The following PCGF5 variants were observed in gnomAD, a reference collection of about 807,000 sequenced individuals.
The protein encoded by PCGF5 is polycomb group ring finger 5.
In PCGF5, 9 loss-of-function variants were observed where a neutral mutation model predicts 44.3. The ratio of observed to expected loss-of-function variants is 0.20; its 90% confidence interval spans 0.12 to 0.35. PCGF5 has a LOEUF of 0.35. Among genes scored for constraint, PCGF5 ranks in the 10% least tolerant of loss-of-function variants. PCGF5 has a pLI of 1.00. For synonymous variants in PCGF5, 95 were observed against 102.5 expected (o/e 0.93, Z 0.44); for missense variants, 146 against 305.3 (o/e 0.48, Z 3.89).
chr10:91,157,706 C>T, the PCGF5 span, among the ~76,000 whole-genome samples: 1 of 152,092 alleles, frequency 6.6e-6, no homozygotes, highest in Admixed American at 6.5e-5. Flanking sequence ...AACAGGGAAG[C>T]CAGGAGGGGA....
In PCGF5 at chr10:91,272,780, CAAAT is replaced by C. The variant is rs546343718; in HGVS notation, c.723+1090_723+1093del. Among the ~76,000 whole-genome samples the C allele has an allele frequency of 1.8e-4, 27 of 152,142 alleles. No homozygotes were observed. The South Asian group carries it at 3.5e-3, about 20-fold the overall frequency. On this transcript the variant is annotated intron_variant, in intron 9 of 9. Transcript: ENST00000336126. Reference sequence around the variant, plus strand: ...AGAGCAAGACTCTGTTTCAGACAAACAAATAAATAATAAAATAATAAAATCCACC... The same window carrying C: ...AGAGCAAGACTCTGTTTCAGACAAACAAATAATAAAATAATAAAATCCACC...
In PCGF5 at chr10:91,281,355, A is replaced by G. The variant is rs1332394526; in HGVS notation, c.*3039A>G. ...TTGCTCAACTACATTACACACTCAAATGTAATCTAAATTTAAACTGATTAT... is the reference window on the plus strand; with the variant it reads ...TTGCTCAACTACATTACACACTCAAGTGTAATCTAAATTTAAACTGATTAT... On this transcript the variant is annotated 3_prime_UTR_variant, in exon 10 of 10. Coordinates refer to ENST00000336126, the MANE Select transcript of PCGF5 (RefSeq NM_032373.5). The G allele has an allele frequency of 1.3e-5, 2 of 152,574 alleles. No homozygotes were observed. The highest frequency in any genetic ancestry group is 2.9e-5 in the Non-Finnish European group (2 of 67,960). The allele number at this position is 152,574 out of a possible 1,614,324, so 9.5% of individuals were successfully genotyped here.
At chr10:91,230,491 A>C (rs147085242) in intron 2 of PCGF5, among the ~76,000 whole-genome samples, 3 of 152,184 alleles carry the variant, frequency 2.0e-5, no homozygotes, top group Non-Finnish European at 4.4e-5. Context: ...GCGCAAAGCT[A>C]TATTTTCTCA....
chr10:91,264,638 G>A (rs866910221), intron 8 of PCGF5, 118 bp downstream of exon 8: 2 of 732,382 alleles, frequency 2.7e-6, no homozygotes, highest in Middle Eastern at 6.8e-4. Context: ...GAAGAAACTG[G>A]TTTTTCTTGC....
At chr10:91,173,296 T>C (rs1005216695) in intron 1 of PCGF5, among the ~76,000 whole-genome samples, 4 of 152,208 alleles carry the variant, frequency 2.6e-5, no homozygotes, top group African/African-American at 9.6e-5. Context: ...TCTCTTGTTA[T>C]CCCTGTGATA....
At chr10:91,248,585 A>G in intron 4 of PCGF5, 25 bp downstream of exon 4, 1 of 1,609,480 alleles carries the variant, frequency 6.2e-7, no homozygotes, top group South Asian at 1.1e-5. Flanking sequence ...AGGTTCTTGC[A>G]GACTTTTGTG....
chr10:91,228,858 T>C (rs1426307709), intron 2 of PCGF5, among the ~76,000 whole-genome samples: 5 of 152,212 alleles, frequency 3.3e-5, no homozygotes, highest in African/African-American at 1.2e-4. Context: ...GGGGCTTCAC[T>C]GTAGACTTAC....
intron 9 of PCGF5, among the ~76,000 whole-genome samples, chr10:91,274,367 A>T (rs1846256215): frequency 6.6e-6 from 1 of 152,226 alleles, no homozygotes; most frequent in Non-Finnish European, 1.5e-5. Flanking sequence ...AAGTAATTAA[A>T]ATAAGGTCTT....
At chr10:91,173,862 CAT>C (rs967963883) in intron 1 of PCGF5, among the ~76,000 whole-genome samples, 5 of 151,850 alleles carry the variant, frequency 3.3e-5, no homozygotes, top group Non-Finnish European at 7.4e-5. Context: ...TTGTGATACT[CAT>C]ATGTCAGAAA....
chr10:91,235,831 T>G (rs769509576), intron 2 of PCGF5, among the ~76,000 whole-genome samples: 1 of 152,218 alleles, frequency 6.6e-6, no homozygotes, highest in Non-Finnish European at 1.5e-5. Flanking sequence ...CTACCTTGAT[T>G]GTGAGGCCTC....
At position 91,197,484 on chromosome 10, in the gene PCGF5, C is replaced by T. The variant is rs76916571; in HGVS notation, c.-183-25205C>T. Among the ~76,000 whole-genome samples the T allele has an allele frequency of 9.5e-3, 1,444 of 152,258 alleles. 25 individuals carry two copies. Among genetic ancestry groups the T allele is most frequent in the African/African-American group, 0.033 (1,365 of 41,540 alleles). ...TGGTCCGGGCATTGTGCTAAGTGTT[C>T]TCCGTGTATTATATTATCTAACCCC... On this transcript the variant is annotated intron_variant, in intron 1 of 9. Coordinates refer to the PCGF5 transcript ENST00000614189.
chr10:91,179,348 T>C (rs976311991), intron 1 of PCGF5, among the ~76,000 whole-genome samples: 8 of 152,208 alleles, frequency 5.3e-5, no homozygotes, highest in Admixed American at 3.3e-4. Flanking sequence ...AAAATTAATC[T>C]TTTAAAAATT....
At chr10:91,231,278 C>A (rs1348856214) in intron 2 of PCGF5, among the ~76,000 whole-genome samples, 2 of 152,220 alleles carry the variant, frequency 1.3e-5, no homozygotes, top group East Asian at 3.9e-4. Flanking sequence ...ACTCATCAAA[C>A]AACCTAGTAG....
chr10:91,162,936 C>G (rs1384393125), upstream of PCGF5: 2 of 145,498 alleles, frequency 1.4e-5, no homozygotes, highest in African/African-American at 4.9e-5. Context: ...CGGGCCGGCC[C>G]AGCCCCCGCC....
chr10:91,172,423 A>T lies in PCGF5; in HGVS notation c.-184+9342A>T, dbSNP rs532098221. On this transcript the variant is annotated intron_variant, in intron 1 of 9. Transcript: ENST00000614189. Reference sequence around the variant, plus strand: ...CACAGAATGAAACTCCCCTTCAGAGAAAAAAAAAATGCCCTCTAGGGCAGA... The same window carrying T: ...CACAGAATGAAACTCCCCTTCAGAGTAAAAAAAAATGCCCTCTAGGGCAGA... Among the ~76,000 whole-genome samples, 4 of 149,502 alleles carry T rather than the reference A, an allele frequency of 2.7e-5. No individual in the cohort carries two copies. In the East Asian group the frequency reaches 7.9e-4, roughly 29 times the overall value.
chr10:91,279,488 G>A lies in PCGF5; in HGVS notation c.*1172G>A, dbSNP rs529613092. ...ATGAGAAGATTATTATTTTATACAT[G>A]AGTTCATTAAGATCAGAAATACAAA... On this transcript the variant is annotated 3_prime_UTR_variant, in exon 10 of 10. Coordinates refer to ENST00000336126, the MANE Select transcript of PCGF5 (RefSeq NM_032373.5). 1 of 152,194 alleles carries A rather than the reference G, an allele frequency of 6.6e-6. No homozygotes were observed. The highest frequency in any genetic ancestry group is 6.5e-5 in the Admixed American group (1 of 15,288). 9.4% of individuals were successfully genotyped at this position (152,194 alleles called of 1,614,324 possible).
chr10:91,198,835 T>A (rs1844194047), intron 1 of PCGF5, among the ~76,000 whole-genome samples: 1 of 152,248 alleles, frequency 6.6e-6, no homozygotes, highest in South Asian at 2.1e-4. Flanking sequence ...TCAGATGGGT[T>A]ATTTCTACCC....
At chr10:91,193,977 C>T (rs560027663) in intron 1 of PCGF5, among the ~76,000 whole-genome samples, 2 of 152,194 alleles carry the variant, frequency 1.3e-5, no homozygotes, top group African/African-American at 4.8e-5. Context: ...AGGATGATTC[C>T]TTGGGTTCAG....
At chr10:91,198,049 A>T (rs1844175241) in intron 1 of PCGF5, among the ~76,000 whole-genome samples, 1 of 152,232 alleles carries the variant, frequency 6.6e-6, no homozygotes, top group Non-Finnish European at 1.5e-5. Context: ...TTACATTCTA[A>T]TGGGTAGAGA....
Sources: gnomAD v4.1 joint callset for allele counts (sites outside exome capture counted in the v4.1 genomes callset) on GRCh38, gnomAD v4.1.1 for gene constraint, MANE v1.5 for transcripts, NCBI Gene and HGNC (gene_info 2026-07-23, HGNC 2026-07-21) for gene names.